The following BTBD18 variants were observed in gnomAD, a reference collection of about 807,000 sequenced individuals.
BTBD18 encodes BTB domain containing 18.
For synonymous variants in BTBD18, 311 were observed against 324.4 expected (o/e 0.96, Z 0.44); for missense variants, 787 against 846.3 (o/e 0.93, Z 0.87).
At chr11:57,750,299 C>T (rs564570281) in intron 2 of BTBD18, among the ~76,000 whole-genome samples, 26 of 152,298 alleles carry the variant, frequency 1.7e-4, no homozygotes, top group African/African-American at 4.1e-4. Flanking sequence ...ATCGCTTGAA[C>T]GCGGGAGGTG....
intron 2 of BTBD18, among the ~76,000 whole-genome samples, chr11:57,747,671 G>C (rs911819023): frequency 6.6e-6 from 1 of 151,990 alleles, no homozygotes; most frequent in African/African-American, 2.4e-5. Context: ...GCTAATTTTT[G>C]TATTTTTAGT....
intron 2 of BTBD18, among the ~76,000 whole-genome samples, chr11:57,748,509 G>A (rs1022381633): frequency 2.0e-5 from 3 of 150,584 alleles, no homozygotes; most frequent in Non-Finnish European, 2.9e-5. Context: ...GAGCACAAGA[G>A]TTTGAGACTA....
Position 57,744,438 on chromosome 11 carries a change from T to C in BTBD18, c.1835A>G (p.His612Arg). 1 of 1,551,606 alleles carries C rather than the reference T, an allele frequency of 6.4e-7. No homozygotes were observed. The highest frequency in any genetic ancestry group is 8.7e-7 in the Non-Finnish European group (1 of 1,146,970). ...PLDGQEDKLLHVSSLDTPQRS... is the reference protein window; with the variant it reads ...PLDGQEDKLLRVSSLDTPQRS... ...CTGGGGAGTATCAAGGGAGCTGACA[T>C]GGAGAAGTTTGTCTTCCTGACCATC... is the stretch of plus-strand genomic sequence containing the variant. Residue 612 changes from histidine (H) to arginine (R), a missense_variant, in exon 3 of 3, where the codon CAT (histidine) becomes CGT (arginine). Physicochemically the swap from His to Arg is conservative, Grantham distance 29 (BLOSUM62 0). Coordinates refer to ENST00000422652, the MANE Select transcript of BTBD18 (RefSeq NM_001145101.3).
rs1236490464 is a variant in BTBD18 at position 57,744,260 on chromosome 11, G to C, written c.2013C>G (p.Ser671Arg). The part of the protein sequence containing the change: ...HSELLGSLPA[S>R]SEEEEIDVVD... ...CCACATCAATCTCTTCCTCTTCAGA[G>C]CTGGCAGGAAGTGAGCCTAGTAGTT... Residue 671 changes from serine (S) to arginine (R), a missense_variant, in exon 3 of 3, where the codon AGC becomes AGG. Transcript: ENST00000422652. The C allele has an allele frequency of 6.4e-7, 1 of 1,551,568 alleles. No homozygotes were observed. The highest frequency in any genetic ancestry group is 2.4e-5 in the East Asian group (1 of 40,934).
Sources: allele counts gnomAD v4.1 joint callset (sites outside exome capture counted in the v4.1 genomes callset), GRCh38; gene constraint gnomAD v4.1.1; transcripts MANE v1.5; gene names NCBI Gene and HGNC (gene_info 2026-07-23, HGNC 2026-07-21).